CASK: variants seen among roughly 807,000 people sequenced by gnomAD.
The protein encoded by CASK is peripheral plasma membrane protein CASK.
Under a neutral mutation model 82.9 loss-of-function variants are expected in CASK, and 4 were observed. The observed-to-expected ratio is 0.05, with a 90% CI of 0.02 to 0.11. CASK has a LOEUF of 0.11. Ranked by LOEUF, CASK falls within the 10% of genes least tolerant of loss-of-function variation. The pLI is 1.00. For synonymous variants in CASK, 259 were observed against 253.5 expected, an observed-to-expected ratio of 1.02 and a Z score of -0.20; for missense variants, 358 against 720.9, an observed-to-expected ratio of 0.50 and a Z score of 5.76.
In CASK at chrX:41,821,990, C is replaced by G. The variant is rs948878238; in HGVS notation, c.172+31125G>C. Among the ~76,000 whole-genome samples, 7 of 112,255 alleles carry G rather than the reference C, an allele frequency of 6.2e-5. No individual in the cohort carries two copies. In the Admixed American group the frequency reaches 6.6e-4, roughly 11 times the overall value. On this transcript the variant is annotated intron_variant, in intron 2 of 26. Transcript: ENST00000378163. ...ACACCCCAGATTTGCCCTGTCTAAA[C>G]TGCAGAGCCCCAGAAGCTGTGAGTA...
At chrX:41,830,822 A>ATC (rs2070791017) in intron 2 of CASK, among the ~76,000 whole-genome samples, 1 of 108,742 alleles carries the variant, frequency 9.2e-6, no homozygotes, top group Non-Finnish European at 1.9e-5. Context: ...TCTGCCAAAA[A>ATC]AAAAAAAAAA....
At chrX:41,637,922 A>G (rs977784176) in intron 8 of CASK, among the ~76,000 whole-genome samples, 2 of 105,696 alleles carry the variant, frequency 1.9e-5, no homozygotes, top group African/African-American at 6.6e-5. Context: ...CTGGGATTAC[A>G]GGTGTGAGCC....
intron 16 of CASK, among the ~76,000 whole-genome samples, chrX:41,567,461 C>G (rs1281411946): frequency 8.9e-6 from 1 of 112,470 alleles, no homozygotes; most frequent in Non-Finnish European, 1.9e-5. Context: ...AAGAAGATAT[C>G]CATGCAGCCA....
At chrX:41,773,772 A>G (rs1298291933) in intron 3 of CASK, among the ~76,000 whole-genome samples, 1 of 111,317 alleles carries the variant, frequency 9.0e-6, no homozygotes, top group Non-Finnish European at 1.9e-5. Context: ...AAAGGGTACA[A>G]TCAAAATATA....
At chrX:41,922,109 A>C (rs1168360397) in intron 1 of CASK, among the ~76,000 whole-genome samples, 1 of 111,648 alleles carries the variant, frequency 9.0e-6, no homozygotes, top group Admixed American at 9.4e-5. Flanking sequence ...AATAGATTTA[A>C]GGAATGGACA....
chrX:41,695,422 C>G (rs894129628), intron 5 of CASK: 1 of 335,290 alleles, frequency 3.0e-6, no homozygotes, highest in African/African-American at 2.7e-5. Context: ...TTCAAGCAAT[C>G]CTTCTGCTGT....
intron 14 of CASK, among the ~76,000 whole-genome samples, chrX:41,583,434 A>G (rs2065610375): frequency 9.0e-6 from 1 of 110,843 alleles, no homozygotes; most frequent in Non-Finnish European, 1.9e-5. Flanking sequence ...TGTCTGTCCA[A>G]ATTCATTTTT....
chrX:41,890,892 CTTT>C (rs35528568), intron 1 of CASK, among the ~76,000 whole-genome samples: 6 of 96,842 alleles, frequency 6.2e-5, no homozygotes, highest in Non-Finnish European at 6.3e-5. Flanking sequence ...ACTATAATTT[CTTT>C]TTTTTTTTTT....
At chrX:41,679,637 T>A (rs1011949691) in intron 5 of CASK, among the ~76,000 whole-genome samples, 4 of 111,896 alleles carry the variant, frequency 3.6e-5, no homozygotes, top group African/African-American at 9.7e-5. Flanking sequence ...GTTTTTTTTT[T>A]AATTATTATG....
At chrX:41,805,611 A>G (rs1220255300) in intron 2 of CASK, among the ~76,000 whole-genome samples, 2 of 111,554 alleles carry the variant, frequency 1.8e-5, no homozygotes, top group Non-Finnish European at 3.8e-5. Flanking sequence ...GAAAGAAATT[A>G]GAAAACCTAG....
chrX:41,844,180 CT>C (rs1433410258), intron 2 of CASK, among the ~76,000 whole-genome samples: 1 of 111,376 alleles, frequency 9.0e-6, no homozygotes, highest in African/African-American at 3.3e-5. Context: ...GATATTGGTC[CT>C]TTCTTACAAT....
chrX:41,656,659 A>G (rs910527529), intron 8 of CASK, among the ~76,000 whole-genome samples: 3 of 110,832 alleles, frequency 2.7e-5, no homozygotes, highest in Non-Finnish European at 5.7e-5. Context: ...GTGTACTCAC[A>G]CTCAACATGA....
chrX:41,874,059 G>C (rs540899991), intron 1 of CASK, among the ~76,000 whole-genome samples: 3 of 111,336 alleles, frequency 2.7e-5, no homozygotes, highest in African/African-American at 9.8e-5. Flanking sequence ...CAAAATTGCT[G>C]GGATTACAGG....
chrX:41,912,837 A>G (rs1436413978), intron 1 of CASK, among the ~76,000 whole-genome samples: 3 of 104,868 alleles, frequency 2.9e-5, no homozygotes, highest in Non-Finnish European at 5.8e-5. Flanking sequence ...ATATAATGTT[A>G]TAATATACAT....
chrX:41,614,503 G>A (rs2066160713), intron 11 of CASK, among the ~76,000 whole-genome samples: 1 of 110,599 alleles, frequency 9.0e-6, no homozygotes, highest in Non-Finnish European at 1.9e-5. Context: ...CCATTCGTCT[G>A]TTGAAGGAAC....
chrX:41,810,335 A>G (rs1189707336), intron 2 of CASK, among the ~76,000 whole-genome samples: 1 of 112,356 alleles, frequency 8.9e-6, no homozygotes, highest in Admixed American at 9.4e-5. Context: ...AGCCAGAGAG[A>G]AAGGTCAGGT....
chrX:41,533,414 C>T (rs1314495739), intron 24 of CASK, among the ~76,000 whole-genome samples: 1 of 112,072 alleles, frequency 8.9e-6, no homozygotes, highest in Admixed American at 9.4e-5. Context: ...AAATGAGACA[C>T]TATTGGATAC....
intron 20 of CASK, among the ~76,000 whole-genome samples, 171 bp from the exon 21 acceptor site, chrX:41,554,086 G>A (rs1411658407): frequency 8.9e-6 from 1 of 112,371 alleles, no homozygotes; most frequent in Non-Finnish European, 1.9e-5. Flanking sequence ...TAGAAACAAT[G>A]TACTAGTAAT....
intron 3 of CASK, among the ~76,000 whole-genome samples, chrX:41,756,288 T>C: frequency 8.9e-6 from 1 of 112,060 alleles, no homozygotes; most frequent in Non-Finnish European, 1.9e-5. Flanking sequence ...GCTTGATTTA[T>C]GACAAAGGAG....
Sources: allele counts gnomAD v4.1 joint callset (sites outside exome capture counted in the v4.1 genomes callset), GRCh38; gene constraint gnomAD v4.1.1; transcripts MANE v1.5; gene names NCBI Gene and HGNC (gene_info 2026-07-23, HGNC 2026-07-21).